ARHGAP18: variants seen among roughly 807,000 people sequenced by gnomAD.
ARHGAP18 encodes rho GTPase-activating protein 18.
In ARHGAP18, 67 loss-of-function variants were observed where a neutral mutation model predicts 86.2. The observed-to-expected ratio is 0.78, with a 90% CI of 0.64 to 0.95. The LOEUF (loss-of-function observed/expected upper bound fraction) is 0.95. ARHGAP18 is among the 40% of genes least tolerant of loss of function. The pLI is 0.00. For synonymous variants in ARHGAP18, 283 were observed against 280.4 expected, an observed-to-expected ratio of 1.01 and a Z score of -0.09; for missense variants, 691 against 780.4, an observed-to-expected ratio of 0.89 and a Z score of 1.37.
At chr6:129,645,159 T>C (rs1371683792) in intron 1 of ARHGAP18, among the ~76,000 whole-genome samples, 1 of 152,204 alleles carries the variant, frequency 6.6e-6, no homozygotes, top group Admixed American at 6.5e-5. Flanking sequence ...TGTCTAAAAA[T>C]GTAAGTGAAC....
chr6:129,668,427 A>G lies in ARHGAP18; in HGVS notation c.114-26409T>C, dbSNP rs188594986. Among the ~76,000 whole-genome samples, 270 of 150,252 alleles carry G rather than the reference A, an allele frequency of 1.8e-3. 1 individual carries two copies. The highest frequency in any genetic ancestry group is 5.7e-3 in the African/African-American group (232 of 40,716). Reference sequence around the variant, plus strand: ...ACACACACACCATTAAAAACAGTCTATGGACTCAGTACATTTCAACATCTC... The same window carrying G: ...ACACACACACCATTAAAAACAGTCTGTGGACTCAGTACATTTCAACATCTC... On this transcript the variant is annotated intron_variant, in intron 1 of 14. Coordinates refer to ENST00000368149, the MANE Select transcript of ARHGAP18 (RefSeq NM_033515.3).
intron 1 of ARHGAP18, among the ~76,000 whole-genome samples, chr6:129,703,339 G>A (rs902158933): frequency 2.0e-5 from 3 of 152,156 alleles, no homozygotes; most frequent in African/African-American, 7.2e-5. Context: ...ACTTGTAGAA[G>A]TATGATAAAT....
intron 8 of ARHGAP18, among the ~76,000 whole-genome samples, chr6:129,608,490 G>A (rs1788905140): frequency 6.6e-6 from 1 of 152,040 alleles, no homozygotes; most frequent in Non-Finnish European, 1.5e-5. Context: ...CAGTCTCTGG[G>A]ACTAAAACAG....
At chr6:129,706,383 T>C (rs940618035) in intron 1 of ARHGAP18, among the ~76,000 whole-genome samples, 1 of 152,170 alleles carries the variant, frequency 6.6e-6, no homozygotes, top group South Asian at 2.1e-4. Context: ...CAAATCCTCA[T>C]GTTTTGAGGA....
At chr6:129,592,923 G>T (rs56142498) in intron 12 of ARHGAP18, among the ~76,000 whole-genome samples, 1 of 151,978 alleles carries the variant, frequency 6.6e-6, no homozygotes, top group African/African-American at 2.4e-5. Flanking sequence ...AAATGTGTTC[G>T]ATTGTTGATG....
At position 129,584,179 on chromosome 6, in the gene ARHGAP18, T is replaced by C. The variant is rs531310088; in HGVS notation, c.1714-67A>G. ...TGGAACGTGTAACTCTACAATGCAT[T>C]ATATAGTAAGTGTGCTTAACTACTA... On this transcript the variant is annotated intron_variant, in intron 12 of 14. Coordinates refer to ENST00000368149, the MANE Select transcript of ARHGAP18 (RefSeq NM_033515.3). 16 of 1,592,244 alleles carry C rather than the reference T, an allele frequency of 1.0e-5. No individual in the cohort carries two copies. In the South Asian group the frequency reaches 1.6e-4, roughly 16 times the overall value.
intron 4 of ARHGAP18, 46 bp from the exon 5 acceptor site, chr6:129,629,568 T>C (rs761728301): frequency 6.4e-7 from 1 of 1,557,434 alleles, no homozygotes; most frequent in Non-Finnish European, 8.6e-7. Flanking sequence ...CTTTATTTAT[T>C]TTTTAAAAAA....
chr6:129,600,498 A>C (rs1172481380), intron 11 of ARHGAP18, 144 bp downstream of exon 11: 4 of 596,646 alleles, frequency 6.7e-6, no homozygotes, highest in Non-Finnish European at 1.1e-5. Context: ...ACAGAAATTC[A>C]CAGGGCCCTC....
intron 6 of ARHGAP18, 124 bp downstream of exon 6, chr6:129,618,563 G>A (rs1789143494): frequency 2.3e-6 from 2 of 851,520 alleles, no homozygotes; most frequent in South Asian, 2.0e-5. Context: ...ATAAACTTTA[G>A]ATGTATTCAA....
At chr6:129,678,850 A>G (rs1774278155) in intron 1 of ARHGAP18, among the ~76,000 whole-genome samples, 2 of 152,254 alleles carry the variant, frequency 1.3e-5, no homozygotes, top group Admixed American at 1.3e-4. Flanking sequence ...AGGAAACAAT[A>G]TTAACCATCT....
rs1240379261 is a variant in ARHGAP18, at chr6:129,641,964, C to T, written c.168G>A (p.Met56Ile). The T allele has an allele frequency of 3.1e-6, 5 of 1,613,790 alleles. No individual in the cohort carries two copies. In the African/African-American group the frequency reaches 4.0e-5, roughly 13 times the overall value. Residue 56 changes from methionine (M) to isoleucine (I), a missense_variant, in exon 2 of 15, where the codon ATG (methionine) becomes ATA (isoleucine). Physicochemically the swap from Met to Ile is conservative, Grantham distance 10 (BLOSUM62 1). Transcript: ENST00000368149. ...TTGATCGATCAAATGGAGGCTTCTCCATAACTTTGATGGTGGTGCTTTCCT... is the reference window on the plus strand; with the variant it reads ...TTGATCGATCAAATGGAGGCTTCTCTATAACTTTGATGGTGGTGCTTTCCT... ...MNQESTTIKV[M>I]EKPPFDRSIS...
chr6:129,609,654 A>G lies in ARHGAP18; in HGVS notation c.1123-1602T>C, dbSNP rs145215330. Among the ~76,000 whole-genome samples the G allele has an allele frequency of 1.1e-3, 160 of 151,376 alleles. 2 individuals are homozygous for G. In the East Asian group the frequency reaches 0.025, roughly 24 times the overall value. On this transcript the variant is annotated intron_variant, in intron 8 of 14. Transcript: ENST00000368149. ...GTCTCAGAATCACACAATGTCCACT[A>G]GTGGCAAACGTGCTATAGGTGTTAC...
In ARHGAP18 at chr6:129,578,489, G is replaced by T. The variant is rs762920471; in HGVS notation, c.*24C>A. 8.2e-6 allele frequency: 13 copies of T among 1,583,496 alleles called. No homozygotes were observed. Among genetic ancestry groups the T allele is most frequent in the Admixed American group, 1.7e-5 (1 of 59,398 alleles). Reference sequence around the variant, plus strand: ...AAGAATTATGACAGAAGTCCACATGGTTATCTGCAGCTTGTTAAGTCTTCT... The same window carrying T: ...AAGAATTATGACAGAAGTCCACATGTTTATCTGCAGCTTGTTAAGTCTTCT... On this transcript the variant is annotated 3_prime_UTR_variant, in exon 15 of 15. Transcript: ENST00000368149.
intron 1 of ARHGAP18, among the ~76,000 whole-genome samples, chr6:129,665,439 A>G (rs769790679): frequency 1.3e-5 from 2 of 152,080 alleles, no homozygotes; most frequent in Non-Finnish European, 2.9e-5. Flanking sequence ...AGTCACAGCT[A>G]CTCAGGAGGC....
At position 129,600,808 on chromosome 6, in the gene ARHGAP18, T is replaced by C; in HGVS notation, c.1406A>G (p.Glu469Gly). Residue 469 changes from glutamate (E) to glycine (G), a missense_variant, in exon 11 of 15, where the codon GAA becomes GGA. By Grantham distance (98) the Glu-to-Gly change is moderately conservative. Coordinates refer to ENST00000368149, the MANE Select transcript of ARHGAP18 (RefSeq NM_033515.3). ...ATTCATGACTGTCATTTTATTTTTT[T>C]CTTTATTATCTATTACTCTTTGGAG... Reference protein sequence around the residue: ...EFLQRVIDNKEKNKMTVMNVA... With the variant: ...EFLQRVIDNKGKNKMTVMNVA... 6.2e-7 allele frequency: 1 copy of C among 1,613,342 alleles called. No homozygotes were observed. Among genetic ancestry groups the C allele is most frequent in the Non-Finnish European group, 8.5e-7 (1 of 1,179,652 alleles).
chr6:129,628,313 T>G (rs1773087401), intron 5 of ARHGAP18, among the ~76,000 whole-genome samples: 1 of 152,172 alleles, frequency 6.6e-6, no homozygotes, highest in Non-Finnish European at 1.5e-5. Flanking sequence ...TACGGAAGAC[T>G]GTGTCAGCCA....
intron 1 of ARHGAP18, among the ~76,000 whole-genome samples, chr6:129,645,189 A>G (rs913466811): frequency 1.3e-5 from 2 of 152,186 alleles, no homozygotes; most frequent in Non-Finnish European, 2.9e-5. Flanking sequence ...GTTTACATCA[A>G]TGAACATGTT....
At chr6:129,624,696 G>T (rs1789303435) in intron 5 of ARHGAP18, among the ~76,000 whole-genome samples, 1 of 151,736 alleles carries the variant, frequency 6.6e-6, no homozygotes, top group Non-Finnish European at 1.5e-5. Flanking sequence ...TGTAATCCTA[G>T]TGTTTTGGAA....
rs1380451993 is a variant in ARHGAP18, at chr6:129,576,159, T to G, written c.*2354A>C. 1.3e-5 allele frequency: 2 copies of G among 152,200 alleles called. No individual in the cohort carries two copies. The highest frequency in any genetic ancestry group is 4.8e-5 in the African/African-American group (2 of 41,454). The allele number at this position is 152,200 out of a possible 1,614,324, so 9.4% of individuals were successfully genotyped here. ...TTAAACTCAAGGCAAATATATTTAT[T>G]TTTATTTTGTCTCATACACACACAG... On this transcript the variant is annotated 3_prime_UTR_variant, in exon 15 of 15. Transcript: ENST00000368149.
Sources: allele counts gnomAD v4.1 joint callset (sites outside exome capture counted in the v4.1 genomes callset), GRCh38; gene constraint gnomAD v4.1.1; transcripts MANE v1.5; gene names NCBI Gene and HGNC (gene_info 2026-07-23, HGNC 2026-07-21).